The following ATR variants were observed in gnomAD, a reference collection of about 807,000 sequenced individuals.
The protein encoded by ATR is ATR checkpoint kinase.
ATR carries 142 observed loss-of-function variants against 305.3 expected under a neutral mutation model. That is an observed-to-expected ratio of 0.47 (90% CI 0.41 to 0.53). The LOEUF (loss-of-function observed/expected upper bound fraction) is 0.53. Ranked by LOEUF, ATR falls within the 20% of genes least tolerant of loss-of-function variation. The pLI is 0.00. For missense variants in ATR, 2,135 were observed against 3,133.1 expected (o/e 0.68, Z 7.60); for synonymous variants, 1,050 against 1,068.1 (o/e 0.98, Z 0.33).
At chr3:142,572,372 C>CTTTTTTTTTTTTTTTTTTT (rs11318957) in intron 1 of ATR, among the ~76,000 whole-genome samples, 1 of 56,804 alleles carries the variant, frequency 1.8e-5, no homozygotes, top group African/African-American at 6.7e-5. Context: ...CCCGGCCTGA[C>CTTTTTTTTTTTTTTTTTTT]TTTTTTTTTT....
intron 18 of ATR, 26 bp downstream of exon 18, chr3:142,540,878 A>T: frequency 1.3e-6 from 2 of 1,563,790 alleles, no homozygotes; most frequent in East Asian, 2.4e-5. Context: ...AAAAAAAAAA[A>T]TTAATAAACT....
chr3:142,567,860 A>T (rs2035125723), intron 2 of ATR, among the ~76,000 whole-genome samples: 1 of 152,240 alleles, frequency 6.6e-6, no homozygotes, highest in Non-Finnish European at 1.5e-5. Context: ...AACAAACAGG[A>T]AAAGAGAATT....
chr3:142,564,440 C>T (rs2108490885), intron 3 of ATR, among the ~76,000 whole-genome samples: 1 of 152,166 alleles, frequency 6.6e-6, no homozygotes, highest in African/African-American at 2.4e-5. Context: ...ACTGTGAGGA[C>T]CAAATAAGAA....
At chr3:142,483,874 AAT>A (rs35084597) in intron 36 of ATR, among the ~76,000 whole-genome samples, 5 of 149,414 alleles carry the variant, frequency 3.3e-5, no homozygotes, top group African/African-American at 4.9e-5. Context: ...AATAAAATAA[AAT>A]ATATATATAT....
chr3:142,547,997 C>T, intron 15 of ATR, 87 bp from the exon 16 acceptor site: 1 of 1,156,438 alleles, frequency 8.6e-7, no homozygotes, highest in Admixed American at 1.9e-5. Flanking sequence ...GCTATTAGTA[C>T]ATCAGGAGCT....
chr3:142,512,640 T>C (rs2108373444), intron 26 of ATR, among the ~76,000 whole-genome samples, 170 bp from the exon 27 acceptor site: 2 of 152,160 alleles, frequency 1.3e-5, no homozygotes, highest in South Asian at 4.1e-4. Flanking sequence ...GCAGCCCAAT[T>C]GCCTGAGGTC....
intron 5 of ATR, 23 bp from the exon 6 acceptor site, chr3:142,560,477 G>A (rs1370479642): frequency 6.4e-7 from 1 of 1,553,500 alleles, no homozygotes; most frequent in South Asian, 1.1e-5. Context: ...ATATAGTAGA[G>A]AGATATTCAT....
chr3:142,553,499 G>C (rs2034554449), intron 12 of ATR, 101 bp from the exon 13 acceptor site: 1 of 1,465,366 alleles, frequency 6.8e-7, no homozygotes. Context: ...GAAACAAACG[G>C]AAATCTACAA....
intron 46 of ATR, 116 bp downstream of exon 46, chr3:142,453,012 C>CACT: frequency 6.5e-7 from 1 of 1,549,136 alleles, no homozygotes. Flanking sequence ...AATCAATAGT[C>CACT]ACTAACAGTA....
rs148353972 is a variant in ATR, at chr3:142,482,015, G to A, written c.6221+3125C>T. Among the ~76,000 whole-genome samples, 3 of 151,854 alleles carry A rather than the reference G, an allele frequency of 2.0e-5. No individual in the cohort carries two copies. The East Asian group carries it at 5.8e-4, about 29-fold the overall frequency. On this transcript the variant is annotated intron_variant, in intron 36 of 46. Transcript: ENST00000350721. ...TTTTTGTATTTTTTTTGGTAGAGAT[G>A]GGTTCTTACCATGTTGCTCTGGCTG...
In ATR at chr3:142,513,523, C is replaced by T. The variant is rs1397117225; in HGVS notation, c.4619G>A (p.Cys1540Tyr). 6.2e-7 allele frequency: 1 copy of T among 1,613,400 alleles called. No individual in the cohort carries two copies. Among genetic ancestry groups the T allele is most frequent in the Admixed American group, 1.7e-5 (1 of 59,992 alleles). Residue 1540 changes from cysteine to tyrosine, a missense_variant, in exon 26 of 47, where the codon TGT becomes TAT. Cys to Tyr is a radical substitution (Grantham distance 194). This residue lies in a region of ATR where 202 missense variants were observed against 252.9 expected (regional missense o/e 0.80). Transcript: ENST00000350721. ...PHILVYVLLG[C>Y]NQEDQQEVYA... Reference sequence around the variant, plus strand: ...CACCTCCTGCTGATCTTCTTGATTACAACCCAGTAAGACATACACCAGAAT... The same window carrying T: ...CACCTCCTGCTGATCTTCTTGATTATAACCCAGTAAGACATACACCAGAAT...
At chr3:142,452,985 G>T in intron 46 of ATR, 143 bp downstream of exon 46, 2 of 1,518,574 alleles carry the variant, frequency 1.3e-6, no homozygotes, top group South Asian at 2.5e-5. Context: ...TGATACTAGA[G>T]AACTAGATTT....
chr3:142,508,546 A>G (rs148136658), intron 27 of ATR, among the ~76,000 whole-genome samples: 3 of 152,316 alleles, frequency 2.0e-5, no homozygotes, highest in African/African-American at 7.2e-5. Flanking sequence ...TATGGAAATA[A>G]TCTTTTTTAA....
intron 44 of ATR, 25 bp from the exon 45 acceptor site, chr3:142,457,780 A>C (rs781088636): frequency 3.7e-5 from 60 of 1,611,348 alleles, no homozygotes; most frequent in Non-Finnish European, 4.9e-5. Context: ...ATTTTATTAC[A>C]AACTAACAAT....
chr3:142,509,545 ATTTTTTTT>A (rs71629538), intron 27 of ATR, among the ~76,000 whole-genome samples: 40 of 73,818 alleles, frequency 5.4e-4, no homozygotes, highest in African/African-American at 1.6e-3. Context: ...TCAAATTCTG[ATTTTTTTT>A]TTTTTTTTTT....
rs2033850339 is a variant in ATR at position 142,536,116 on chromosome 3, AT to A, written c.3810del (p.Glu1270AspfsTer20). 1 of 1,565,034 alleles carries A rather than the reference AT, an allele frequency of 6.4e-7. No individual in the cohort carries two copies. Among genetic ancestry groups the A allele is most frequent in the Non-Finnish European group, 8.8e-7 (1 of 1,136,040 alleles). On this transcript the variant is annotated frameshift_variant, in exon 20 of 47. Transcript: ENST00000350721. LOFTEE classifies it high-confidence loss of function. ...ELKKIKAVLQEYRKETSESTD... is the reference protein window; with the variant it reads ...ELKKIKAVLQXYRKETSESTD... Reference sequence around the variant, plus strand: ...AATTAAAAATTAAATACCTTTCTGTATTCCTGGAGAACGGCTTTTATCTTTT... The same window carrying A: ...AATTAAAAATTAAATACCTTTCTGTATCCTGGAGAACGGCTTTTATCTTTT...
chr3:142,505,406 A>T, intron 28 of ATR, 103 bp from the exon 29 acceptor site: 1 of 1,424,986 alleles, frequency 7.0e-7, no homozygotes, highest in Admixed American at 1.8e-5. Context: ...TTTTTTGAGA[A>T]ATTTTTCCTC....
intron 8 of ATR, among the ~76,000 whole-genome samples, chr3:142,557,205 A>C (rs1198608061): frequency 6.6e-6 from 1 of 152,064 alleles, no homozygotes; most frequent in African/African-American, 2.4e-5. Flanking sequence ...GCAGAATCAA[A>C]GACGCTCCAT....
intron 3 of ATR, among the ~76,000 whole-genome samples, chr3:142,563,342 C>T (rs1219780111): frequency 6.6e-6 from 1 of 152,200 alleles, no homozygotes; most frequent in African/African-American, 2.4e-5. Context: ...CTGCATCAAG[C>T]AAGTGTATCA....
Sources: allele counts gnomAD v4.1 joint callset (sites outside exome capture counted in the v4.1 genomes callset), GRCh38; gene constraint gnomAD v4.1.1; regional missense constraint gnomAD v4.1.1; transcripts MANE v1.5; gene names NCBI Gene and HGNC (gene_info 2026-07-23, HGNC 2026-07-21).